The following PLD1 variants were observed in gnomAD, a reference collection of about 807,000 sequenced individuals.
The protein encoded by PLD1 is phospholipase D1, also known as choline phosphatase 1.
A neutral mutation model predicts 137.1 loss-of-function variants in PLD1; 112 were observed. The ratio of observed to expected loss-of-function variants is 0.82; its 90% CI spans 0.70 to 0.96. The LOEUF (loss-of-function observed/expected upper bound fraction) is 0.96. Ranked by LOEUF, PLD1 falls within the 40% of genes least tolerant of loss-of-function variation. The pLI is 0.00. For synonymous variants in PLD1, 431 were observed against 454.7 expected (o/e 0.95, Z 0.66); for missense variants, 1,321 against 1,342.0 (o/e 0.98, Z 0.24).
intron 1 of PLD1, among the ~76,000 whole-genome samples, chr3:171,768,233 T>G (rs911103588): frequency 1.3e-5 from 2 of 152,150 alleles, no homozygotes; most frequent in African/African-American, 4.8e-5. Flanking sequence ...AAGTATTTAC[T>G]GACATTACTA....
Position 171,733,470 on chromosome 3 carries a change from G to A in PLD1, c.580C>T (p.Pro194Ser). The change falls in exon 6 of 27, where the codon CCC becomes TCC. Residue 194 changes from proline to serine, a missense_variant. Pro to Ser is a moderately conservative substitution (Grantham distance 74). Coordinates refer to ENST00000351298, the MANE Select transcript of PLD1 (RefSeq NM_002662.5). ...GTGGCATGATAGTTTCTATACATGG[G>A]CATTTTTAGTATCTTTGTCAAGTAA... ...EDYLTKILKM[P>S]MYRNYHATTE... 2 of 1,364,998 alleles carry A rather than the reference G, an allele frequency of 1.5e-6. No individual in the cohort carries two copies. Among genetic ancestry groups the A allele is most frequent in the South Asian group, 1.2e-5 (1 of 84,218 alleles). The allele number at this position is 1,364,998 out of a possible 1,614,324, so 84.6% of individuals were successfully genotyped here. A position where few individuals can be genotyped will look rare whatever the true frequency, so the allele number is the denominator to read the frequency against.
chr3:171,790,041 G>A (rs1330878402), intron 1 of PLD1: 1 of 152,240 alleles, frequency 6.6e-6, no homozygotes, highest in East Asian at 1.9e-4. Flanking sequence ...ATTCAATCAA[G>A]TACTAATCTA....
chr3:171,689,944 T>G (rs1714981947), intron 13 of PLD1, among the ~76,000 whole-genome samples: 1 of 152,224 alleles, frequency 6.6e-6, no homozygotes. Flanking sequence ...TCCTCAATTT[T>G]TGAAAAAGAT....
In PLD1 at chr3:171,785,495, C is replaced by G. The variant is rs184995028; in HGVS notation, c.-32+24904G>C. The stretch of plus-strand genomic sequence containing the variant: ...GCTCCGATGCCCAGGCTGGAGTGCA[C>G]TGGCATGATCTCAGCTCATGGCAAT... On this transcript the variant is annotated intron_variant, in intron 1 of 26. Transcript: ENST00000351298. 2.5e-3 allele frequency among the ~76,000 whole-genome samples: 380 copies of G among 149,144 alleles called. 2 individuals are homozygous for G. The highest frequency in any genetic ancestry group is 8.9e-3 in the African/African-American group (361 of 40,514).
intron 1 of PLD1, among the ~76,000 whole-genome samples, chr3:171,803,623 C>T (rs541968478): frequency 6.6e-6 from 1 of 152,288 alleles, no homozygotes; most frequent in African/African-American, 2.4e-5. Flanking sequence ...ATCCCAGCTA[C>T]TTGGGAGGCT....
intron 21 of PLD1, among the ~76,000 whole-genome samples, chr3:171,649,564 G>A (rs1247926430): frequency 6.6e-6 from 1 of 152,142 alleles, no homozygotes; most frequent in Non-Finnish European, 1.5e-5. Flanking sequence ...GGGGGTTGTG[G>A]AAATGATAGC....
At chr3:171,625,078 C>T (rs1733974461) in intron 23 of PLD1, among the ~76,000 whole-genome samples, 1 of 151,864 alleles carries the variant, frequency 6.6e-6, no homozygotes, top group Admixed American at 6.6e-5. Flanking sequence ...AAAACAAAAC[C>T]CTGAGAGTTC....
rs766715992 is a variant in PLD1, at chr3:171,603,147, C to T, written c.3156G>A (p.Leu1052=). ...CAGAAGGCAGTAGGCTTTCTTCAGA[C>T]AAGAAATAAAAGGGGAATTGCACCA... is the stretch of plus-strand genomic sequence containing the variant. The part of the protein sequence containing the change: ...GFLVQFPFYF[L]SEESLLPSVG... The change falls in exon 27 of 27, where the codon TTG becomes TTA. Residue 1052 remains leucine, a synonymous_variant. Coordinates refer to ENST00000351298, the MANE Select transcript of PLD1 (RefSeq NM_002662.5). 22 of 1,613,952 alleles carry T rather than the reference C, an allele frequency of 1.4e-5. No homozygotes were observed. The highest frequency in any genetic ancestry group is 1.7e-5 in the Non-Finnish European group (20 of 1,179,980).
At chr3:171,696,204 A>G (rs778820500) in intron 12 of PLD1, among the ~76,000 whole-genome samples, 2 of 152,230 alleles carry the variant, frequency 1.3e-5, no homozygotes, top group Non-Finnish European at 2.9e-5. Context: ...GATACACAAA[A>G]TTGCGTGTGG....
intron 1 of PLD1, among the ~76,000 whole-genome samples, chr3:171,798,093 TTAA>T (rs1723502090): frequency 6.6e-6 from 1 of 152,172 alleles, no homozygotes; most frequent in Non-Finnish European, 1.5e-5. Flanking sequence ...ACACCGCTAC[TTAA>T]GTAAGATTGT....
At chr3:171,742,235 T>C (rs563697405) in intron 1 of PLD1, among the ~76,000 whole-genome samples, 49 of 152,066 alleles carry the variant, frequency 3.2e-4, no homozygotes, top group African/African-American at 1.1e-3. Flanking sequence ...CTCTTAAAAC[T>C]TTTTTTTAAA....
At chr3:171,760,075 G>C (rs145405459) in intron 1 of PLD1, among the ~76,000 whole-genome samples, 468 of 152,294 alleles carry the variant, frequency 3.1e-3, no homozygotes, top group African/African-American at 0.011. Flanking sequence ...GGTTTTAGTA[G>C]AAGCCAAGAA....
intron 19 of PLD1, among the ~76,000 whole-genome samples, chr3:171,669,725 C>T (rs931579429): frequency 2.0e-5 from 3 of 152,156 alleles, no homozygotes; most frequent in African/African-American, 4.8e-5. Context: ...GAAACACTAG[C>T]GAAAGCTTGA....
At chr3:171,788,249 T>G (rs1220186772) in intron 1 of PLD1, among the ~76,000 whole-genome samples, 2 of 118,526 alleles carry the variant, frequency 1.7e-5, no homozygotes, top group Non-Finnish European at 3.4e-5. Context: ...CATCTGCACT[T>G]CTTTTTTTTT....
intron 1 of PLD1, among the ~76,000 whole-genome samples, chr3:171,800,635 C>T (rs1723606687): frequency 6.6e-6 from 1 of 152,194 alleles, no homozygotes; most frequent in Non-Finnish European, 1.5e-5. Context: ...ATCTCTACTC[C>T]AATGCCAGCC....
At chr3:171,808,285 C>A (rs1252342991) in intron 1 of PLD1, among the ~76,000 whole-genome samples, 3 of 151,994 alleles carry the variant, frequency 2.0e-5, no homozygotes, top group Non-Finnish European at 4.4e-5. Context: ...GCCTGTAATC[C>A]CAGCACTTTG....
At chr3:171,769,744 T>A (rs1298182643) in intron 1 of PLD1, among the ~76,000 whole-genome samples, 2 of 152,190 alleles carry the variant, frequency 1.3e-5, no homozygotes, top group African/African-American at 4.8e-5. Context: ...ACCTCAGAGA[T>A]CTTTTTTAAG....
intron 16 of PLD1, among the ~76,000 whole-genome samples, chr3:171,685,796 A>T (rs1714489857): frequency 6.6e-6 from 1 of 152,172 alleles, no homozygotes; most frequent in African/African-American, 2.4e-5. Flanking sequence ...AAATTCACAC[A>T]GCATGACACA....
chr3:171,743,061 T>A (rs547725605), intron 1 of PLD1, among the ~76,000 whole-genome samples: 1 of 152,182 alleles, frequency 6.6e-6, no homozygotes, highest in Non-Finnish European at 1.5e-5. Flanking sequence ...AATTGTTCTA[T>A]CCTTACTATG....
Sources: gnomAD v4.1 joint callset for allele counts (sites outside exome capture counted in the v4.1 genomes callset) on GRCh38, gnomAD v4.1.1 for gene constraint, MANE v1.5 for transcripts, NCBI Gene and HGNC (gene_info 2026-07-23, HGNC 2026-07-21) for gene names.